Variants in EPB41L2 observed in about 807,000 individuals in gnomAD.
EPB41L2 encodes the protein band 4.1-like protein 2.
In EPB41L2, 43 loss-of-function variants were observed where a neutral mutation model predicts 113.0. That is an observed-to-expected ratio of 0.38 (90% CI 0.30 to 0.49). EPB41L2 has a LOEUF of 0.49. Among genes scored for constraint, EPB41L2 ranks in the 20% least tolerant of loss-of-function variants. The pLI is 0.95. For synonymous variants in EPB41L2, 442 were observed against 436.7 expected (o/e 1.01, Z -0.15); for missense variants, 1,147 against 1,223.4 (o/e 0.94, Z 0.93).
At chr6:131,050,175 C>T (rs1176244748) in intron 1 of EPB41L2, among the ~76,000 whole-genome samples, 1 of 152,104 alleles carries the variant, frequency 6.6e-6, no homozygotes, top group African/African-American at 2.4e-5. Flanking sequence ...CCCATCTCTA[C>T]TAAAAACACA....
intron 4 of EPB41L2, among the ~76,000 whole-genome samples, chr6:130,924,381 G>GT (rs1010694706): frequency 5.7e-5 from 7 of 121,770 alleles, no homozygotes; most frequent in Non-Finnish European, 7.8e-5. Flanking sequence ...AGATCATGGA[G>GT]TTCTTTTTTT....
At chr6:131,003,995 A>C (rs891966651) in intron 1 of EPB41L2, among the ~76,000 whole-genome samples, 2 of 151,574 alleles carry the variant, frequency 1.3e-5, no homozygotes, top group South Asian at 2.1e-4. Context: ...CTTACAACTT[A>C]TCAGCTTTAA....
intron 4 of EPB41L2, among the ~76,000 whole-genome samples, chr6:130,924,760 G>C (rs750632425): frequency 6.6e-6 from 1 of 152,116 alleles, no homozygotes; most frequent in African/African-American, 2.4e-5. Context: ...CCTACCCATA[G>C]TACACAGCAT....
intron 1 of EPB41L2, among the ~76,000 whole-genome samples, chr6:131,021,164 C>A (rs1789390409): frequency 6.6e-6 from 1 of 152,176 alleles, no homozygotes; most frequent in Non-Finnish European, 1.5e-5. Context: ...TTAGTTAGTG[C>A]TGTGATCTTT....
intron 1 of EPB41L2, among the ~76,000 whole-genome samples, chr6:130,958,643 G>T (rs1818328437): frequency 6.6e-6 from 1 of 152,120 alleles, no homozygotes; most frequent in African/African-American, 2.4e-5. Context: ...GAGTTGTGTG[G>T]AAACATGAGA....
chr6:131,004,254 G>A (rs1562710882), intron 1 of EPB41L2, among the ~76,000 whole-genome samples: 1 of 152,216 alleles, frequency 6.6e-6, no homozygotes, highest in East Asian at 1.9e-4. Flanking sequence ...AAGAAGGGGT[G>A]GGCACAGTGG....
At chr6:131,057,068 A>T (rs566884361) in intron 1 of EPB41L2, among the ~76,000 whole-genome samples, 46 of 151,484 alleles carry the variant, frequency 3.0e-4, no homozygotes, top group African/African-American at 8.0e-4. Flanking sequence ...TGAAAAAATT[A>T]AAAAAAAAGA....
At position 130,995,925 on chromosome 6, in the gene EPB41L2, G is replaced by C. The variant is rs147728550; in HGVS notation, c.-14-39426C>G. 3.4e-3 allele frequency among the ~76,000 whole-genome samples: 522 copies of C among 152,160 alleles called. 4 individuals are homozygous for C. The highest frequency in any genetic ancestry group is 0.012 in the African/African-American group (494 of 41,466). ...CTAAAATTCCAGGTTAACCATATTGGAACATATAAATTCAATAGCACAGTT... is the reference window on the plus strand; with the variant it reads ...CTAAAATTCCAGGTTAACCATATTGCAACATATAAATTCAATAGCACAGTT... On this transcript the variant is annotated intron_variant, in intron 1 of 19. Transcript: ENST00000337057.
chr6:130,860,334 C>T (rs982436177), intron 18 of EPB41L2, among the ~76,000 whole-genome samples: 4 of 152,214 alleles, frequency 2.6e-5, no homozygotes, highest in Non-Finnish European at 5.9e-5. Context: ...ATATGAAATA[C>T]ACTCTAATTC....
chr6:130,950,754 C>T (rs922129920), intron 3 of EPB41L2, among the ~76,000 whole-genome samples: 8 of 152,046 alleles, frequency 5.3e-5, no homozygotes, highest in Non-Finnish European at 1.2e-4. Context: ...GCAATATATG[C>T]AAAAGTCCTA....
chr6:130,955,872 C>T (rs1453585999), intron 2 of EPB41L2, 122 bp downstream of exon 2: 13 of 1,477,518 alleles, frequency 8.8e-6, no homozygotes, highest in Non-Finnish European at 1.1e-5. Context: ...ATTCCGTATA[C>T]ATTAAGCTAA....
At chr6:130,930,956 T>C (rs1028919054) in intron 3 of EPB41L2, among the ~76,000 whole-genome samples, 2 of 151,638 alleles carry the variant, frequency 1.3e-5, no homozygotes, top group African/African-American at 2.4e-5. Flanking sequence ...ATAATCCAAA[T>C]GGACAGGATA....
At chr6:131,050,558 C>A (rs1324139439) in intron 1 of EPB41L2, among the ~76,000 whole-genome samples, 1 of 152,180 alleles carries the variant, frequency 6.6e-6, no homozygotes, top group African/African-American at 2.4e-5. Context: ...ACTACTGACT[C>A]ACTACAATAT....
chr6:131,057,750 G>T (rs1480275552), intron 1 of EPB41L2, among the ~76,000 whole-genome samples: 1 of 152,176 alleles, frequency 6.6e-6, no homozygotes, highest in Non-Finnish European at 1.5e-5. Flanking sequence ...TTTCATGAAG[G>T]TTGATGGTGA....
intron 11 of EPB41L2, 64 bp downstream of exon 11, chr6:130,890,230 T>C (rs1562402635): frequency 2.0e-6 from 3 of 1,497,424 alleles, no homozygotes; most frequent in East Asian, 4.6e-5. Flanking sequence ...TGGATTAACA[T>C]TTTCTGACCT....
At chr6:131,022,871 A>T (rs1278248549) in intron 1 of EPB41L2, among the ~76,000 whole-genome samples, 1 of 152,216 alleles carries the variant, frequency 6.6e-6, no homozygotes, top group African/African-American at 2.4e-5. Context: ...ATATTAAGTA[A>T]TCAAACATGT....
chr6:131,019,130 T>C (rs1177304508), intron 1 of EPB41L2, among the ~76,000 whole-genome samples: 1 of 152,212 alleles, frequency 6.6e-6, no homozygotes, highest in Non-Finnish European at 1.5e-5. Context: ...ATATCAAGCA[T>C]TCCCATTTGT....
At chr6:130,943,582 G>C (rs1032035374) in intron 3 of EPB41L2, among the ~76,000 whole-genome samples, 8 of 152,304 alleles carry the variant, frequency 5.3e-5, no homozygotes, top group African/African-American at 1.9e-4. Context: ...AAGTATGTCA[G>C]GATGGCTGCT....
rs187658944 is a variant in EPB41L2 at position 130,982,479 on chromosome 6, C to G, written c.-14-25980G>C. Among the ~76,000 whole-genome samples, 3 of 152,140 alleles carry G rather than the reference C, an allele frequency of 2.0e-5. No individual in the cohort carries two copies. The East Asian group carries it at 5.8e-4, about 29-fold the overall frequency. On this transcript the variant is annotated intron_variant, in intron 1 of 19. Transcript: ENST00000337057. ...GGGTATAATTCTGTTACCTTTTTGA[C>G]AGCAATTCATTCAGAATAACAAATA...
Sources: allele counts gnomAD v4.1 joint callset (sites outside exome capture counted in the v4.1 genomes callset), GRCh38; gene constraint gnomAD v4.1.1; transcripts MANE v1.5; gene names NCBI Gene and HGNC (gene_info 2026-07-23, HGNC 2026-07-21).